Variants in ANKH observed in about 807,000 individuals in gnomAD.
ANKH encodes ANKH inorganic pyrophosphate transport regulator, also known as mineralization regulator ANKH.
ANKH carries 15 observed loss-of-function variants against 49.0 expected under a neutral mutation model. The ratio of observed to expected loss-of-function variants is 0.31; its 90% CI spans 0.20 to 0.47. ANKH has a LOEUF of 0.47. Ranked by LOEUF, ANKH falls within the 20% of genes least tolerant of loss-of-function variation. The pLI is 1.00. For missense variants in ANKH, 429 were observed against 652.0 expected (o/e 0.66, Z 3.72); for synonymous variants, 273 against 260.0 (o/e 1.05, Z -0.48).
chr5:14,828,240 C>T (rs998055685), intron 1 of ANKH, among the ~76,000 whole-genome samples: 22 of 152,166 alleles, frequency 1.4e-4, no homozygotes, highest in Non-Finnish European at 1.2e-4. Flanking sequence ...GCCTGTAATC[C>T]CAGCACTTTG....
chr5:14,818,063 C>CAAA (rs34516771), intron 1 of ANKH, among the ~76,000 whole-genome samples: 7 of 72,610 alleles, frequency 9.6e-5, no homozygotes, highest in African/African-American at 1.1e-4. Flanking sequence ...GACTTTGTCT[C>CAAA]AAAAAAAAAA....
chr5:14,855,579 GTTA>G (rs1325611503), intron 1 of ANKH, among the ~76,000 whole-genome samples: 1 of 152,058 alleles, frequency 6.6e-6, no homozygotes, highest in Admixed American at 6.5e-5. Flanking sequence ...ACCATGGTGT[GTTA>G]TTATCATAAC....
chr5:14,795,414 T>TAA (rs1191457028), intron 1 of ANKH, among the ~76,000 whole-genome samples: 1 of 152,218 alleles, frequency 6.6e-6, no homozygotes, highest in Non-Finnish European at 1.5e-5. Context: ...TTGTGGTTCT[T>TAA]AAACTCATCT....
chr5:14,807,342 T>C (rs1740739898), intron 1 of ANKH, among the ~76,000 whole-genome samples: 1 of 152,068 alleles, frequency 6.6e-6, no homozygotes, highest in African/African-American at 2.4e-5. Flanking sequence ...CTTGAACTCC[T>C]GAGCTCAGAT....
intron 7 of ANKH, 24 bp from the exon 8 acceptor site, chr5:14,741,946 T>C (rs1040480126): frequency 1.3e-6 from 2 of 1,590,308 alleles, no homozygotes; most frequent in Admixed American, 1.7e-5. Context: ...ACCACAGTCA[T>C]GAATGGGCCC....
chr5:14,783,468 G>C (rs1462532465), intron 1 of ANKH, among the ~76,000 whole-genome samples: 1 of 152,114 alleles, frequency 6.6e-6, no homozygotes, highest in East Asian at 1.9e-4. Context: ...TACTGTTATT[G>C]GTTTAAATTA....
chr5:14,844,064 C>T (rs568665668), intron 1 of ANKH, among the ~76,000 whole-genome samples: 3 of 152,164 alleles, frequency 2.0e-5, no homozygotes, highest in Non-Finnish European at 4.4e-5. Flanking sequence ...CACCGTAGAG[C>T]AAATAAGACA....
chr5:14,801,452 G>C (rs1740564691), intron 1 of ANKH, among the ~76,000 whole-genome samples: 1 of 152,156 alleles, frequency 6.6e-6, no homozygotes, highest in Admixed American at 6.5e-5. Context: ...GATGTTAATA[G>C]GTGCTGTGTA....
intron 8 of ANKH, among the ~76,000 whole-genome samples, chr5:14,717,603 G>T (rs1365700174): frequency 1.3e-5 from 2 of 152,208 alleles, no homozygotes; most frequent in Non-Finnish European, 2.9e-5. Context: ...AGCTCCCCTT[G>T]CGCAGCTGGT....
At chr5:14,797,828 C>A in intron 1 of ANKH, 2 of 1,611,460 alleles carry the variant, frequency 1.2e-6, no homozygotes, top group Non-Finnish European at 1.7e-6. Flanking sequence ...TAAGTAAGTG[C>A]CCACTGAGAT....
At chr5:14,832,808 T>C (rs1318933246) in intron 1 of ANKH, among the ~76,000 whole-genome samples, 1 of 152,220 alleles carries the variant, frequency 6.6e-6, no homozygotes, top group African/African-American at 2.4e-5. Flanking sequence ...AGAAAATATC[T>C]GTTCCACTGT....
chr5:14,771,220 T>C (rs947373386), intron 1 of ANKH, among the ~76,000 whole-genome samples: 1 of 152,210 alleles, frequency 6.6e-6, no homozygotes, highest in African/African-American at 2.4e-5. Flanking sequence ...TACTACATTA[T>C]GACAAAACAA....
chr5:14,783,603 T>C (rs1022056439), intron 1 of ANKH, among the ~76,000 whole-genome samples: 4 of 152,168 alleles, frequency 2.6e-5, no homozygotes, highest in African/African-American at 9.7e-5. Context: ...CCCAAAAATT[T>C]GCAGAGTCAA....
At chr5:14,840,619 C>T (rs1741789292) in intron 1 of ANKH, among the ~76,000 whole-genome samples, 1 of 152,160 alleles carries the variant, frequency 6.6e-6, no homozygotes, top group African/African-American at 2.4e-5. Flanking sequence ...AAAGTGGATG[C>T]TTATGAATTT....
At chr5:14,842,641 G>C (rs1482367188) in intron 1 of ANKH, among the ~76,000 whole-genome samples, 1 of 152,144 alleles carries the variant, frequency 6.6e-6, no homozygotes, top group Non-Finnish European at 1.5e-5. Flanking sequence ...AAAGCCCTTA[G>C]TTTACAGTGT....
intron 1 of ANKH, chr5:14,798,473 T>G (rs1580077207): frequency 8.5e-7 from 1 of 1,176,796 alleles, no homozygotes. Context: ...AGGCGTTCGC[T>G]CTGCGCACGC....
chr5:14,844,895 G>A (rs963990988), intron 1 of ANKH, among the ~76,000 whole-genome samples: 16 of 152,086 alleles, frequency 1.1e-4, no homozygotes, highest in Admixed American at 2.6e-4. Flanking sequence ...AGCATCTTTC[G>A]GGAGGATTGG....
At position 14,710,631 on chromosome 5, in the gene ANKH, G is replaced by C. The variant is rs1737135804; in HGVS notation, c.*566C>G. The C allele has an allele frequency of 1.8e-5, 3 of 163,032 alleles. No individual in the cohort carries two copies. Among genetic ancestry groups the C allele is most frequent in the Non-Finnish European group, 2.7e-5 (2 of 74,150 alleles). 10.1% of individuals were successfully genotyped at this position (163,032 alleles called of 1,614,324 possible). ...TCAGTGTGAACGGGGACTCCGGGCTGCAGCGTGCCACCCGCCTCCTGCATG... is the reference window on the plus strand; with the variant it reads ...TCAGTGTGAACGGGGACTCCGGGCTCCAGCGTGCCACCCGCCTCCTGCATG... On this transcript the variant is annotated 3_prime_UTR_variant, in exon 12 of 12. Coordinates refer to ENST00000284268, the MANE Select transcript of ANKH (RefSeq NM_054027.6).
intron 1 of ANKH, among the ~76,000 whole-genome samples, chr5:14,799,478 C>T (rs1282058914): frequency 6.6e-6 from 1 of 152,204 alleles, no homozygotes; most frequent in Non-Finnish European, 1.5e-5. Flanking sequence ...AAATGTCTGG[C>T]TTCAAAGTTG....
Sources: allele counts gnomAD v4.1 joint callset (sites outside exome capture counted in the v4.1 genomes callset), GRCh38; gene constraint gnomAD v4.1.1; transcripts MANE v1.5; gene names NCBI Gene and HGNC (gene_info 2026-07-23, HGNC 2026-07-21).